The following BRINP2 variants were observed in gnomAD, a reference collection of about 807,000 sequenced individuals.
BRINP2 encodes BMP/retinoic acid inducible neural specific 2.
Under a neutral mutation model 69.2 loss-of-function variants are expected in BRINP2, and 21 were observed. That is an observed-to-expected ratio of 0.30 (90% CI 0.22 to 0.44). The LOEUF is 0.44. Among genes scored for constraint, BRINP2 ranks in the 20% least tolerant of loss-of-function variants. The pLI is 1.00. For missense variants in BRINP2, 877 were observed against 986.0 expected (o/e 0.89, Z 1.48); for synonymous variants, 380 against 394.1 (o/e 0.96, Z 0.42).
At position 177,187,127 on chromosome 1, in the gene BRINP2, A is replaced by G. The variant is rs1199129740; in HGVS notation, c.-77+15395A>G. On this transcript the variant is annotated intron_variant, in intron 1 of 7. Transcript: ENST00000361539. ...TTTAGAAAGAACCATTTCAAAACCT[A>G]TCAAGATCTTTGGAAAATCAGCCTT... Among the ~76,000 whole-genome samples the G allele has an allele frequency of 1.2e-3, 181 of 152,274 alleles. 1 individual carries two copies. The highest frequency in any genetic ancestry group is 1.6e-4 in the Non-Finnish European group (11 of 68,028).
At chr1:177,178,828 G>A (rs977483048) in intron 1 of BRINP2, among the ~76,000 whole-genome samples, 14 of 152,096 alleles carry the variant, frequency 9.2e-5, no homozygotes, top group African/African-American at 2.4e-4. Context: ...ACAGATAAAA[G>A]GTCTGCCCTC....
intron 1 of BRINP2, among the ~76,000 whole-genome samples, chr1:177,205,080 A>T (rs1649032932): frequency 6.6e-6 from 1 of 152,160 alleles, no homozygotes; most frequent in African/African-American, 2.4e-5. Flanking sequence ...ATAATATAAA[A>T]TGTGTTTAGG....
At chr1:177,187,678 CGCTCTTGTTCT>C (rs984115618) in intron 1 of BRINP2, among the ~76,000 whole-genome samples, 3 of 152,150 alleles carry the variant, frequency 2.0e-5, no homozygotes, top group Non-Finnish European at 2.9e-5. Flanking sequence ...TGTCGACTTC[CGCTCTTGTTCT>C]GCTCTTGAAC....
chr1:177,223,476 G>T (rs78254610), intron 1 of BRINP2, among the ~76,000 whole-genome samples: 3 of 152,134 alleles, frequency 2.0e-5, no homozygotes, highest in Non-Finnish European at 4.4e-5. Context: ...GACAGTCCTT[G>T]TGCATAGACA....
At position 177,235,362 on chromosome 1, in the gene BRINP2, C is replaced by T. The variant is rs144821883; in HGVS notation, c.269+5217C>T. On this transcript the variant is annotated intron_variant, in intron 2 of 7. Transcript: ENST00000361539. ...ATCCCCCATGAGGCATTTGCAGCAG[C>T]GAGACTATTTACAGGAGGCATTGCA... 7.4e-4 allele frequency among the ~76,000 whole-genome samples: 112 copies of T among 152,126 alleles called. 1 individual carries two copies. Among genetic ancestry groups the T allele is most frequent in the African/African-American group, 2.5e-3 (104 of 41,490 alleles).
intron 1 of BRINP2, among the ~76,000 whole-genome samples, chr1:177,204,546 A>T (rs1649016243): frequency 6.6e-6 from 1 of 152,164 alleles, no homozygotes. Flanking sequence ...AGAGGCAATG[A>T]TCAATGGTGT....
At chr1:177,243,805 CCTACCTCATCA>C (rs1650287319) in intron 2 of BRINP2, among the ~76,000 whole-genome samples, 2 of 152,172 alleles carry the variant, frequency 1.3e-5, no homozygotes, top group South Asian at 4.1e-4. Flanking sequence ...GACCAAGACT[CCTACCTCATCA>C]CTGCCATTCC....
At chr1:177,246,474 T>A (rs997530647) in intron 2 of BRINP2, among the ~76,000 whole-genome samples, 2 of 152,238 alleles carry the variant, frequency 1.3e-5, no homozygotes, top group Non-Finnish European at 2.9e-5. Context: ...CCTGTATAGA[T>A]AAAATAAGCG....
intron 1 of BRINP2, among the ~76,000 whole-genome samples, chr1:177,208,735 G>A (rs754121387): frequency 1.3e-5 from 2 of 152,126 alleles, no homozygotes; most frequent in Non-Finnish European, 2.9e-5. Context: ...GAAAAGGAAG[G>A]TGTCTAGGAG....
At position 177,171,309 on chromosome 1, in the gene BRINP2, A is replaced by T. The variant is rs1289131607; in HGVS notation, c.-500A>T. Among the ~76,000 whole-genome samples, 2 of 151,418 alleles carry T rather than the reference A, an allele frequency of 1.3e-5. No individual in the cohort carries two copies. The highest frequency in any genetic ancestry group is 2.0e-4 in the East Asian group (1 of 5,124). ...TTTCTCCTCGGCGGAGGGACAGGGG[A>T]CTCCCCCAGTTGGGTCTTGCACTTC... On this transcript the variant is annotated 5_prime_UTR_variant, in exon 1 of 8. Coordinates refer to ENST00000361539, the MANE Select transcript of BRINP2 (RefSeq NM_021165.4).
Position 177,257,388 on chromosome 1 carries a change from A to G in BRINP2, c.669+4A>G. ...GATAGCCACGGGGGCCATCAAGGTA[A>G]TGACCTGAGAGGTACAGGGAAGGGG... is the stretch of plus-strand genomic sequence containing the variant. On this transcript the variant is annotated splice_donor_region_variant and intron_variant, in intron 4 of 7. Transcript: ENST00000361539. 6.2e-7 allele frequency: 1 copy of G among 1,604,600 alleles called. No individual in the cohort carries two copies. Among genetic ancestry groups the G allele is most frequent in the Non-Finnish European group, 8.5e-7 (1 of 1,173,924 alleles).
At chr1:177,203,045 C>G (rs1049303173) in intron 1 of BRINP2, among the ~76,000 whole-genome samples, 2 of 152,038 alleles carry the variant, frequency 1.3e-5, no homozygotes, top group African/African-American at 2.4e-5. Flanking sequence ...TATTGTGGCA[C>G]TATTCACAAT....
chr1:177,236,664 A>G (rs1650037050), intron 2 of BRINP2, among the ~76,000 whole-genome samples: 1 of 152,208 alleles, frequency 6.6e-6, no homozygotes, highest in African/African-American at 2.4e-5. Flanking sequence ...GGTAACACAT[A>G]GGCAAAAACC....
At chr1:177,179,208 A>G (rs889611326) in intron 1 of BRINP2, among the ~76,000 whole-genome samples, 4 of 149,112 alleles carry the variant, frequency 2.7e-5, no homozygotes, top group Non-Finnish European at 5.9e-5. Context: ...GATAAAATAG[A>G]GTATTGTCAG....
At chr1:177,208,608 T>C (rs904674412) in intron 1 of BRINP2, among the ~76,000 whole-genome samples, 1 of 152,064 alleles carries the variant, frequency 6.6e-6, no homozygotes, top group Non-Finnish European at 1.5e-5. Flanking sequence ...ATTTGCATCA[T>C]AGCCACAGAT....
At chr1:177,267,922 T>A (rs1036544592) in intron 4 of BRINP2, among the ~76,000 whole-genome samples, 1 of 152,202 alleles carries the variant, frequency 6.6e-6, no homozygotes, top group African/African-American at 2.4e-5. Context: ...ATATTCAGCT[T>A]CCACTGGGCT....
chr1:177,279,128 AAC>A (rs1272325736), intron 7 of BRINP2, among the ~76,000 whole-genome samples: 1 of 152,196 alleles, frequency 6.6e-6, no homozygotes, highest in Non-Finnish European at 1.5e-5. Context: ...TCTGATGAAA[AAC>A]ACACACACTG....
chr1:177,190,585 G>C (rs1648558069), intron 1 of BRINP2, among the ~76,000 whole-genome samples: 1 of 152,156 alleles, frequency 6.6e-6, no homozygotes, highest in South Asian at 2.1e-4. Context: ...TAAGTAAAGG[G>C]GGAGTTAGAT....
intron 2 of BRINP2, among the ~76,000 whole-genome samples, chr1:177,246,396 C>T (rs964406500): frequency 1.5e-4 from 23 of 152,172 alleles, no homozygotes; most frequent in African/African-American, 5.6e-4. Context: ...TCTCTGTCTC[C>T]TCATGTGTTA....
Sources: gnomAD v4.1 joint callset for allele counts (sites outside exome capture counted in the v4.1 genomes callset) on GRCh38, gnomAD v4.1.1 for gene constraint, MANE v1.5 for transcripts, NCBI Gene and HGNC (gene_info 2026-07-23, HGNC 2026-07-21) for gene names.